Variants in MLLT10 observed in about 807,000 individuals in gnomAD.
MLLT10 encodes the protein protein AF-10.
MLLT10 carries 30 observed loss-of-function variants against 129.1 expected under a neutral mutation model. The ratio of observed to expected loss-of-function variants is 0.23; its 90% CI spans 0.17 to 0.32. MLLT10 has a LOEUF of 0.32. Among genes scored for constraint, MLLT10 ranks in the 10% least tolerant of loss-of-function variants. The probability of loss-of-function intolerance (pLI) is 1.00; values close to 1 mark genes in which losing one functional copy is unlikely to be tolerated. For synonymous variants in MLLT10, 490 were observed against 446.4 expected, an observed-to-expected ratio of 1.10 and a Z score of -1.23; for missense variants, 1,119 against 1,268.3, an observed-to-expected ratio of 0.88 and a Z score of 1.79.
At chr10:21,677,500 C>T (rs894378830) in intron 11 of MLLT10, among the ~76,000 whole-genome samples, 2 of 152,282 alleles carry the variant, frequency 1.3e-5, no homozygotes, top group South Asian at 2.1e-4. Context: ...AACCTATGCA[C>T]ATCTTCCTGT....
At chr10:21,738,106 A>G (rs542590018) in intron 21 of MLLT10, among the ~76,000 whole-genome samples, 2 of 152,168 alleles carry the variant, frequency 1.3e-5, no homozygotes, top group East Asian at 3.9e-4. Context: ...CGTCTCTACT[A>G]AAAATACAAA....
At chr10:21,579,039 A>G (rs1006427913) in intron 3 of MLLT10, among the ~76,000 whole-genome samples, 5 of 152,216 alleles carry the variant, frequency 3.3e-5, no homozygotes, top group Admixed American at 1.3e-4. Context: ...CTTGCAGGGC[A>G]TATCTTTTGG....
chr10:21,582,927 A>T (rs549638773), intron 3 of MLLT10, among the ~76,000 whole-genome samples: 2 of 152,270 alleles, frequency 1.3e-5, no homozygotes, highest in South Asian at 4.2e-4. Flanking sequence ...CTAGCACTTT[A>T]GGAGGCTGAG....
At chr10:21,607,645 T>G (rs1397299145) in intron 5 of MLLT10, among the ~76,000 whole-genome samples, 1 of 152,198 alleles carries the variant, frequency 6.6e-6, no homozygotes, top group African/African-American at 2.4e-5. Context: ...TATAGCTTTG[T>G]CCTAATCCTG....
rs1032661793 is a variant in MLLT10 at position 21,742,075 on chromosome 10, C to A, written c.*92C>A. 8 of 1,152,348 alleles carry A rather than the reference C, an allele frequency of 6.9e-6. No individual in the cohort carries two copies. In the East Asian group the frequency reaches 1.7e-4, roughly 24 times the overall value. The allele number at this position is 1,152,348 out of a possible 1,614,324, so 71.4% of individuals were successfully genotyped here. On this transcript the variant is annotated 3_prime_UTR_variant, in exon 23 of 23. Transcript: ENST00000307729. ...TCCTTTTACTACAGCTATGAAGAAACGCAACAAGAAACTCAATGCACAACA... is the reference window on the plus strand; with the variant it reads ...TCCTTTTACTACAGCTATGAAGAAAAGCAACAAGAAACTCAATGCACAACA...
At chr10:21,721,835 T>A (rs1363759144) in intron 14 of MLLT10, among the ~76,000 whole-genome samples, 1 of 152,118 alleles carries the variant, frequency 6.6e-6, no homozygotes, top group Non-Finnish European at 1.5e-5. Context: ...ATTCAATTTA[T>A]TCTTAATCTA....
At position 21,623,621 on chromosome 10, in the gene MLLT10, A is replaced by G. The variant is rs554318824; in HGVS notation, c.699+6414A>G. Among the ~76,000 whole-genome samples the G allele has an allele frequency of 1.1e-4, 17 of 152,384 alleles. No individual in the cohort carries two copies. The South Asian group carries it at 2.5e-3, about 22-fold the overall frequency. The stretch of plus-strand genomic sequence containing the variant: ...TTTCCTTCAGTAACACAAGTGATAC[A>G]TAGAATGAACAGTTGATTTGACTAG... On this transcript the variant is annotated intron_variant, in intron 8 of 22. Coordinates refer to ENST00000307729, the MANE Select transcript of MLLT10 (RefSeq NM_001195626.3).
chr10:21,673,092 A>G (rs2051642623), intron 10 of MLLT10, among the ~76,000 whole-genome samples: 1 of 152,136 alleles, frequency 6.6e-6, no homozygotes, highest in South Asian at 2.1e-4. Flanking sequence ...TATCTTAATA[A>G]TTATTTAAGT....
At chr10:21,578,275 T>C (rs927022580) in intron 3 of MLLT10, among the ~76,000 whole-genome samples, 19 of 152,244 alleles carry the variant, frequency 1.2e-4, no homozygotes, top group African/African-American at 4.1e-4. Flanking sequence ...ATATTTTCTT[T>C]GGAGAAGTGT....
chr10:21,599,667 C>A (rs1342676758), intron 5 of MLLT10, among the ~76,000 whole-genome samples: 3 of 152,146 alleles, frequency 2.0e-5, no homozygotes, highest in African/African-American at 7.2e-5. Context: ...TGGGCTCAAG[C>A]AGTCCTTCCA....
In MLLT10 at chr10:21,668,316, C is replaced by T. The variant is rs2051044570; in HGVS notation, c.796-2133C>T. On this transcript the variant is annotated intron_variant, in intron 9 of 22. Transcript: ENST00000307729. ...CCCACCTCCTTCTGGTCTCCTTTTA[C>T]CTGTCTTCGATTTTGAGTTGATCAT... is the stretch of plus-strand genomic sequence containing the variant. 2.6e-5 allele frequency among the ~76,000 whole-genome samples: 4 copies of T among 152,052 alleles called. No individual in the cohort carries two copies. The South Asian group carries it at 6.2e-4, about 24-fold the overall frequency.
At position 21,740,139 on chromosome 10, in the gene MLLT10, A is replaced by C. The variant is rs1174912520; in HGVS notation, c.3065A>C (p.Asn1022Thr). The change falls in exon 22 of 23, where the codon AAC becomes ACC. Residue 1022 changes from asparagine (N) to threonine (T), a missense_variant. Transcript: ENST00000307729. ...QIPGPTQIPI[N>T]NLLAGTQAPP... The stretch of plus-strand genomic sequence containing the variant: ...CCTGGACCAACACAAATACCCATAA[A>C]CAACCTTCTTGCAGGTACACAGGCA... 2 of 1,614,038 alleles carry C rather than the reference A, an allele frequency of 1.2e-6. No homozygotes were observed. The highest frequency in any genetic ancestry group is 2.7e-5 in the African/African-American group (2 of 74,896).
rs201389659 is a variant in MLLT10 at position 21,730,925 on chromosome 10, C to T, written c.2089C>T (p.Arg697Cys). The change falls in exon 17 of 23, where the codon CGC becomes TGC. Residue 697 changes from arginine (R) to cysteine (C), a missense_variant. By Grantham distance (180) the Arg-to-Cys change is radical (BLOSUM62 -3). Coordinates refer to ENST00000307729, the MANE Select transcript of MLLT10 (RefSeq NM_001195626.3). ...PRSPVSSLQIRYDQPGNSSLE... is the reference protein window; with the variant it reads ...PRSPVSSLQICYDQPGNSSLE... Reference sequence around the variant, plus strand: ...ATCCCCTGTAAGCAGCTTACAGATTCGCTATGATCAACCAGGCAACAGCAG... The same window carrying T: ...ATCCCCTGTAAGCAGCTTACAGATTTGCTATGATCAACCAGGCAACAGCAG... 29 of 1,614,012 alleles carry T rather than the reference C, an allele frequency of 1.8e-5. No homozygotes were observed. Among genetic ancestry groups the T allele is most frequent in the South Asian group, 3.3e-5 (3 of 91,078 alleles).
At chr10:21,580,776 A>G (rs939112831) in intron 3 of MLLT10, among the ~76,000 whole-genome samples, 43 of 150,706 alleles carry the variant, frequency 2.9e-4, no homozygotes, top group African/African-American at 1.1e-3. Flanking sequence ...ATCTTGACTC[A>G]CTGAAACCTC....
intron 4 of MLLT10, among the ~76,000 whole-genome samples, chr10:21,588,916 CCCTT>C (rs2042246797): frequency 2.6e-5 from 4 of 151,510 alleles, no homozygotes; most frequent in Non-Finnish European, 5.9e-5. Context: ...CTCTGCCTCC[CCCTT>C]TCAAGGGACT....
chr10:21,565,252 G>A (rs552591501), intron 3 of MLLT10, among the ~76,000 whole-genome samples: 1 of 151,196 alleles, frequency 6.6e-6, no homozygotes, highest in African/African-American at 2.4e-5. Flanking sequence ...TGCTTTCAAC[G>A]TGCTTATTTG....
intron 3 of MLLT10, chr10:21,556,798 T>TA (rs770921982): frequency 1.3e-6 from 2 of 1,582,228 alleles, no homozygotes; most frequent in South Asian, 2.3e-5. Context: ...GGGCTTGTCT[T>TA]ACTACAGCAG....
intron 8 of MLLT10, among the ~76,000 whole-genome samples, chr10:21,640,924 C>A (rs187204289): frequency 3.3e-4 from 51 of 152,316 alleles, no homozygotes; most frequent in Middle Eastern, 3.4e-3. Flanking sequence ...AGGTTTCTTC[C>A]ATCTTGTGAC....
intron 9 of MLLT10, among the ~76,000 whole-genome samples, chr10:21,654,751 G>C (rs758009477): frequency 6.6e-6 from 1 of 152,110 alleles, no homozygotes; most frequent in Non-Finnish European, 1.5e-5. Context: ...TGAATACAGC[G>C]AATGAGTGAG....
Sources: gnomAD v4.1 joint callset for allele counts (sites outside exome capture counted in the v4.1 genomes callset) on GRCh38, gnomAD v4.1.1 for gene constraint, MANE v1.5 for transcripts, NCBI Gene and HGNC (gene_info 2026-07-23, HGNC 2026-07-21) for gene names.